Variants in RFX4 observed in about 807,000 individuals in gnomAD.
RFX4 encodes regulatory factor X4, also known as transcription factor RFX4.
A neutral mutation model predicts 95.0 loss-of-function variants in RFX4; 10 were observed. The observed-to-expected ratio is 0.11, with a 90% CI of 0.06 to 0.18. The LOEUF is 0.18. RFX4 is among the 10% of genes least tolerant of loss of function. The pLI is 1.00. For missense variants in RFX4, 640 were observed against 922.0 expected (o/e 0.69, Z 3.96); for synonymous variants, 321 against 340.7 (o/e 0.94, Z 0.64).
intron 1 of RFX4, among the ~76,000 whole-genome samples, chr12:106,607,967 C>T (rs1016783070): frequency 4.6e-5 from 7 of 152,054 alleles, no homozygotes; most frequent in East Asian, 1.9e-4. Flanking sequence ...CCGAGGCAGG[C>T]GGATGGCCTG....
chr12:106,587,026 C>G (rs532208147), intron 1 of RFX4, among the ~76,000 whole-genome samples: 16 of 152,338 alleles, frequency 1.1e-4, no homozygotes, highest in Non-Finnish European at 1.8e-4. Context: ...ATCTCTGCCA[C>G]CTGCTAAGCG....
chr12:106,637,584 T>C (rs1292830736), intron 2 of RFX4, among the ~76,000 whole-genome samples: 2 of 152,208 alleles, frequency 1.3e-5, no homozygotes, highest in South Asian at 4.1e-4. Context: ...AGTTTTCTTC[T>C]TGAGATTGTT....
At chr12:106,741,763 C>T (rs2042807080) in intron 15 of RFX4, among the ~76,000 whole-genome samples, 1 of 151,998 alleles carries the variant, frequency 6.6e-6, no homozygotes, top group Admixed American at 6.6e-5. Flanking sequence ...GCACCAGGGA[C>T]CGGTTTTGTG....
intron 1 of RFX4, among the ~76,000 whole-genome samples, chr12:106,604,775 C>A (rs2039791042): frequency 6.6e-6 from 1 of 152,098 alleles, no homozygotes; most frequent in South Asian, 2.1e-4. Flanking sequence ...ATGACAAAGG[C>A]TGACAAAGAA....
intron 11 of RFX4, among the ~76,000 whole-genome samples, chr12:106,716,330 G>T (rs1323827203): frequency 6.6e-6 from 1 of 151,958 alleles, no homozygotes; most frequent in Non-Finnish European, 1.5e-5. Context: ...ATGGGGTGAG[G>T]CCCAGGATCC....
At chr12:106,747,345 C>A (rs61943292) in intron 15 of RFX4, 92 bp from the exon 16 acceptor site, 1 of 1,448,104 alleles carries the variant, frequency 6.9e-7, no homozygotes, top group South Asian at 1.3e-5. Context: ...TTTTGGCCTT[C>A]AACTTAAGAA....
chr12:106,588,218 C>T (rs2039491208), intron 1 of RFX4, among the ~76,000 whole-genome samples: 1 of 152,118 alleles, frequency 6.6e-6, no homozygotes, highest in South Asian at 2.1e-4. Flanking sequence ...AGTCAATAAC[C>T]ATGAACAACT....
In RFX4 at chr12:106,624,882, AGT is replaced by A. The variant is rs2040260565; in HGVS notation, c.131-14447_131-14446del. On this transcript the variant is annotated intron_variant, in intron 2 of 17. Transcript: ENST00000392842. ...TTGGCTATTGGCTGGCCTGCCATAG[AGT>A]GTATCTCTGGACCGGGCCAATTGAA... Among the ~76,000 whole-genome samples, 5 of 151,986 alleles carry A rather than the reference AGT, an allele frequency of 3.3e-5. No homozygotes were observed. In the South Asian group the frequency reaches 8.3e-4, roughly 25 times the overall value.
intron 15 of RFX4, among the ~76,000 whole-genome samples, chr12:106,741,985 C>T (rs1416897646): frequency 1.3e-5 from 2 of 152,166 alleles, no homozygotes. Context: ...TGCTTGCTTG[C>T]CCACCACTCA....
At chr12:106,622,302 A>T (rs1212466460) in intron 2 of RFX4, among the ~76,000 whole-genome samples, 1 of 152,206 alleles carries the variant, frequency 6.6e-6, no homozygotes, top group African/African-American at 2.4e-5. Context: ...ATCTGAGGAA[A>T]GAAAAGAATT....
At chr12:106,623,199 T>A (rs1467536700) in intron 2 of RFX4, among the ~76,000 whole-genome samples, 1 of 151,452 alleles carries the variant, frequency 6.6e-6, no homozygotes, top group Non-Finnish European at 1.5e-5. Context: ...CCACTGCACC[T>A]GGCTAATTTT....
At chr12:106,618,382 G>C (rs2040115811) in intron 2 of RFX4, among the ~76,000 whole-genome samples, 1 of 151,922 alleles carries the variant, frequency 6.6e-6, no homozygotes, top group Non-Finnish European at 1.5e-5. Context: ...TATGGTTATG[G>C]CTATCGATAT....
chr12:106,753,643 G>A (rs1203185305), intron 17 of RFX4, among the ~76,000 whole-genome samples: 2 of 152,142 alleles, frequency 1.3e-5, no homozygotes, highest in Non-Finnish European at 2.9e-5. Flanking sequence ...GATAACCCCT[G>A]CAGAAGAGGA....
chr12:106,684,839 C>G (rs764741429), intron 5 of RFX4: 7 of 1,574,180 alleles, frequency 4.4e-6, no homozygotes, highest in Non-Finnish European at 6.1e-6. Flanking sequence ...TTCGGAGGGT[C>G]TGAATTCTTC....
At chr12:106,700,017 C>T (rs1201934556) in intron 8 of RFX4, among the ~76,000 whole-genome samples, 1 of 151,950 alleles carries the variant, frequency 6.6e-6, no homozygotes, top group Non-Finnish European at 1.5e-5. Flanking sequence ...CATTTATCTC[C>T]ATGGTTGGCT....
intron 4 of RFX4, among the ~76,000 whole-genome samples, chr12:106,662,737 A>G (rs758059222): frequency 2.1e-4 from 32 of 151,976 alleles, no homozygotes; most frequent in Non-Finnish European, 4.1e-4. Flanking sequence ...AATTTTTGTG[A>G]TGGGTATAAG....
chr12:106,688,414 C>G (rs201998392), intron 6 of RFX4, among the ~76,000 whole-genome samples: 10 of 152,190 alleles, frequency 6.6e-5, no homozygotes, highest in East Asian at 3.9e-4. Context: ...CAGTGCTGCT[C>G]TAACATGTAT....
intron 2 of RFX4, among the ~76,000 whole-genome samples, chr12:106,628,365 G>T (rs1200678699): frequency 6.6e-6 from 1 of 152,130 alleles, no homozygotes; most frequent in South Asian, 2.1e-4. Flanking sequence ...ACATAGTAGG[G>T]CCTGGTACAT....
intron 2 of RFX4, among the ~76,000 whole-genome samples, chr12:106,615,584 C>T (rs1010293127): frequency 2.0e-5 from 3 of 152,176 alleles, no homozygotes; most frequent in African/African-American, 7.2e-5. Flanking sequence ...AACACCTTAA[C>T]AACATCAAAT....
Sources: gnomAD v4.1 joint callset for allele counts (sites outside exome capture counted in the v4.1 genomes callset) on GRCh38, gnomAD v4.1.1 for gene constraint, MANE v1.5 for transcripts, NCBI Gene and HGNC (gene_info 2026-07-23, HGNC 2026-07-21) for gene names.